Variants in ZDHHC14 observed in about 807,000 individuals in gnomAD.
The protein encoded by ZDHHC14 is palmitoyltransferase ZDHHC14.
Under a neutral mutation model 47.7 loss-of-function variants are expected in ZDHHC14, and 16 were observed. The ratio of observed to expected loss-of-function variants is 0.34; its 90% CI spans 0.23 to 0.51. The LOEUF (loss-of-function observed/expected upper bound fraction) is 0.51, where lower values mean the gene tolerates loss of function less well. ZDHHC14 is among the 20% of genes least tolerant of loss of function. ZDHHC14 has a pLI of 0.97. For synonymous variants in ZDHHC14, 293 were observed against 278.9 expected, an observed-to-expected ratio of 1.05 and a Z score of -0.50; for missense variants, 515 against 662.5, an observed-to-expected ratio of 0.78 and a Z score of 2.44.
intron 1 of ZDHHC14, among the ~76,000 whole-genome samples, chr6:157,424,735 G>T (rs1167469765): frequency 6.6e-6 from 1 of 152,126 alleles, no homozygotes; most frequent in East Asian, 1.9e-4. Flanking sequence ...AACAAACCGG[G>T]AGTCCTGGTT....
At chr6:157,580,736 T>G (rs112359174) in intron 2 of ZDHHC14, among the ~76,000 whole-genome samples, 5,050 of 138,260 alleles carry the variant, frequency 0.037, 234 homozygotes, top group African/African-American at 0.11. Context: ...GTGTGTGTGT[T>G]TTTTTCTTTG....
chr6:157,433,040 C>G (rs1778368995), intron 1 of ZDHHC14, among the ~76,000 whole-genome samples: 1 of 152,262 alleles, frequency 6.6e-6, no homozygotes, highest in South Asian at 2.1e-4. Flanking sequence ...GCTACAGCAT[C>G]TCACCGCCCA....
chr6:157,496,496 A>C (rs1415685538), intron 1 of ZDHHC14, among the ~76,000 whole-genome samples: 1 of 152,222 alleles, frequency 6.6e-6, no homozygotes, highest in Non-Finnish European at 1.5e-5. Flanking sequence ...TAATTAAATT[A>C]AAATGTATTC....
intron 1 of ZDHHC14, among the ~76,000 whole-genome samples, chr6:157,401,091 GAGTGTTTTCATT>G (rs1370652746): frequency 6.6e-6 from 1 of 152,200 alleles, no homozygotes; most frequent in Non-Finnish European, 1.5e-5. Flanking sequence ...TCCATGTGTG[GAGTGTTTTCATT>G]AGCTGCCTTC....
At chr6:157,622,186 C>G (rs112261925) in intron 3 of ZDHHC14, among the ~76,000 whole-genome samples, 4,659 of 131,050 alleles carry the variant, frequency 0.036, 274 homozygotes, top group African/African-American at 0.13. Context: ...GCCTGACCAA[C>G]ATGGCAAAAT....
intron 5 of ZDHHC14, 113 bp downstream of exon 5, chr6:157,632,995 A>G (rs1464537954): frequency 8.9e-7 from 1 of 1,124,492 alleles, no homozygotes; most frequent in African/African-American, 1.5e-5. Context: ...CATGTATCTT[A>G]TTCCAAAGAA....
At chr6:157,621,546 C>T (rs751412828) in intron 3 of ZDHHC14, among the ~76,000 whole-genome samples, 1 of 152,146 alleles carries the variant, frequency 6.6e-6, no homozygotes, top group African/African-American at 2.4e-5. Flanking sequence ...GCTGAGCCAC[C>T]GTCTGCCAAG....
At chr6:157,518,958 G>A (rs1206870708) in intron 1 of ZDHHC14, among the ~76,000 whole-genome samples, 1 of 152,208 alleles carries the variant, frequency 6.6e-6, no homozygotes, top group Admixed American at 6.5e-5. Flanking sequence ...GCTGTTCATG[G>A]TGAGGACTGG....
intron 1 of ZDHHC14, among the ~76,000 whole-genome samples, chr6:157,441,850 G>T (rs1482140309): frequency 6.6e-6 from 1 of 152,010 alleles, no homozygotes; most frequent in African/African-American, 2.4e-5. Flanking sequence ...AAAAAGAAAA[G>T]AAAAAATCAA....
chr6:157,517,711 C>T (rs1780747698), intron 1 of ZDHHC14, among the ~76,000 whole-genome samples: 1 of 152,242 alleles, frequency 6.6e-6, no homozygotes, highest in Non-Finnish European at 1.5e-5. Flanking sequence ...CAGCCAGGTT[C>T]AGTCCTGAGT....
chr6:157,528,688 C>T (rs1781254051), intron 1 of ZDHHC14, among the ~76,000 whole-genome samples: 1 of 151,906 alleles, frequency 6.6e-6, no homozygotes, highest in Non-Finnish European at 1.5e-5. Flanking sequence ...GCCGAGGTCG[C>T]ACCACTGCAC....
intron 1 of ZDHHC14, among the ~76,000 whole-genome samples, chr6:157,420,847 A>G (rs965294017): frequency 1.3e-5 from 2 of 152,146 alleles, no homozygotes; most frequent in African/African-American, 2.4e-5. Context: ...TTGCCTATCC[A>G]CTAAACATTG....
intron 1 of ZDHHC14, among the ~76,000 whole-genome samples, chr6:157,477,578 A>G (rs979241098): frequency 1.3e-5 from 2 of 152,132 alleles, no homozygotes; most frequent in African/African-American, 4.8e-5. Context: ...TATTGGCAAA[A>G]TTTATTTTAT....
chr6:157,445,370 G>A (rs1311740896), intron 1 of ZDHHC14, among the ~76,000 whole-genome samples: 1 of 152,142 alleles, frequency 6.6e-6, no homozygotes, highest in East Asian at 1.9e-4. Context: ...ACAAAGCCAA[G>A]ATGCGCCAGA....
At chr6:157,650,515 G>A (rs1448843051) in intron 7 of ZDHHC14, among the ~76,000 whole-genome samples, 1 of 152,038 alleles carries the variant, frequency 6.6e-6, no homozygotes, top group Non-Finnish European at 1.5e-5. Flanking sequence ...GGCTGGACGC[G>A]ATGGGATGCT....
At chr6:157,624,392 A>G (rs1785321056) in intron 3 of ZDHHC14, among the ~76,000 whole-genome samples, 1 of 152,208 alleles carries the variant, frequency 6.6e-6, no homozygotes, top group Non-Finnish European at 1.5e-5. Flanking sequence ...GCTGTCTGCT[A>G]CCAACAATGG....
At chr6:157,436,339 G>T (rs530871414) in intron 1 of ZDHHC14, among the ~76,000 whole-genome samples, 1 of 152,140 alleles carries the variant, frequency 6.6e-6, no homozygotes, top group Non-Finnish European at 1.5e-5. Context: ...GAGTCCACAC[G>T]CAGTGAAGCA....
chr6:157,501,510 A>T (rs1161617689), intron 1 of ZDHHC14, among the ~76,000 whole-genome samples: 1 of 152,244 alleles, frequency 6.6e-6, no homozygotes, highest in African/African-American at 2.4e-5. Context: ...ATATTTTCAT[A>T]ACACTGAAAT....
At chr6:157,540,452 A>G (rs1274281767) in intron 1 of ZDHHC14, among the ~76,000 whole-genome samples, 1 of 152,192 alleles carries the variant, frequency 6.6e-6, no homozygotes, top group Non-Finnish European at 1.5e-5. Flanking sequence ...AAATAAGCAC[A>G]CCAAAGCCTA....
Sources: gnomAD v4.1 joint callset for allele counts (sites outside exome capture counted in the v4.1 genomes callset) on GRCh38, gnomAD v4.1.1 for gene constraint, MANE v1.5 for transcripts, NCBI Gene and HGNC (gene_info 2026-07-23, HGNC 2026-07-21) for gene names.